Variants in ANO3 observed in about 807,000 individuals in gnomAD.
ANO3 encodes anoctamin 3, also known as anoctamin-3.
A neutral mutation model predicts 144.8 loss-of-function variants in ANO3; 99 were observed. The observed-to-expected ratio is 0.68, with a 90% CI of 0.58 to 0.81. The LOEUF (loss-of-function observed/expected upper bound fraction) is 0.81. Ranked by LOEUF, ANO3 falls within the 30% of genes least tolerant of loss-of-function variation. The probability of loss-of-function intolerance (pLI) is 0.00; values close to 1 mark genes in which losing one functional copy is unlikely to be tolerated. For synonymous variants in ANO3, 414 were observed against 392.6 expected (o/e 1.05, Z -0.64); for missense variants, 905 against 1,202.2 (o/e 0.75, Z 3.66).
In ANO3 at chr11:26,553,242, TCTC is replaced by T; in HGVS notation, c.1290-6_1290-4del. On this transcript the variant is annotated splice_polypyrimidine_tract_variant and splice_region_variant and intron_variant, in intron 12 of 26. Transcript: ENST00000256737. The stretch of plus-strand genomic sequence containing the variant: ...TTGTTTTGTTTTTGTTTTTGTTTTT[TCTC>T]AAGCCAAGAAATTTGTAAAGCCACT... The T allele has an allele frequency of 5.6e-6, 8 of 1,429,426 alleles. No homozygotes were observed. Among genetic ancestry groups the T allele is most frequent in the Non-Finnish European group, 6.8e-6 (7 of 1,024,138 alleles). 88.5% of individuals were successfully genotyped at this position (1,429,426 alleles called of 1,614,324 possible). A position where few individuals can be genotyped will look rare whatever the true frequency, so the allele number is the denominator to read the frequency against.
intron 9 of ANO3, among the ~76,000 whole-genome samples, chr11:26,536,677 T>C (rs1849517792): frequency 6.6e-6 from 1 of 152,158 alleles, no homozygotes; most frequent in African/African-American, 2.4e-5. Context: ...GAAAACATTA[T>C]TATAAATAGC....
intron 24 of ANO3, among the ~76,000 whole-genome samples, chr11:26,655,660 G>C (rs1393804838): frequency 6.6e-6 from 1 of 151,968 alleles, no homozygotes; most frequent in Non-Finnish European, 1.5e-5. Context: ...TGCCTGTTTT[G>C]TTCACTGTTA....
At chr11:26,625,115 C>T (rs1045520615) in intron 18 of ANO3, among the ~76,000 whole-genome samples, 6 of 152,096 alleles carry the variant, frequency 3.9e-5, no homozygotes, top group Non-Finnish European at 5.9e-5. Context: ...TTAGTAGAGA[C>T]GGGGTTTCAC....
chr11:26,296,253 A>G (rs1019195154), intron 1 of ANO3, among the ~76,000 whole-genome samples: 10 of 152,192 alleles, frequency 6.6e-5, no homozygotes, highest in African/African-American at 2.4e-4. Context: ...TTAAAACCCT[A>G]CTGCCTTAGG....
intron 6 of ANO3, 137 bp downstream of exon 6, chr11:26,517,064 G>A (rs1479545671): frequency 2.7e-5 from 12 of 450,290 alleles, no homozygotes; most frequent in Middle Eastern, 6.1e-4. Context: ...ATTCTGGACA[G>A]TTTTTTTTTC....
chr11:26,632,567 T>TA (rs1369451469), intron 18 of ANO3, among the ~76,000 whole-genome samples: 2 of 145,944 alleles, frequency 1.4e-5, no homozygotes, highest in Non-Finnish European at 3.0e-5. Context: ...TATAAATATA[T>TA]AAAAAATATA....
At chr11:26,321,128 T>C (rs954558447) in intron 1 of ANO3, among the ~76,000 whole-genome samples, 1 of 152,114 alleles carries the variant, frequency 6.6e-6, no homozygotes, top group Admixed American at 6.6e-5. Context: ...ATTTTCTTTG[T>C]TCTCATAATC....
chr11:26,290,149 G>A (rs1346706420), intron 1 of ANO3, among the ~76,000 whole-genome samples: 2 of 152,108 alleles, frequency 1.3e-5, no homozygotes, highest in Admixed American at 6.6e-5. Flanking sequence ...GAGGGCGTAT[G>A]TGTCCAGGAA....
At position 26,534,400 on chromosome 11, in the gene ANO3, A is replaced by G. The variant is rs554263217; in HGVS notation, c.870-56A>G. On this transcript the variant is annotated intron_variant, in intron 8 of 26. Transcript: ENST00000256737. Reference sequence around the variant, plus strand: ...ATTAGCTTTAATGGAACTTGTAACTATTGCTGGATTCTGTGTTCTGCTTTG... The same window carrying G: ...ATTAGCTTTAATGGAACTTGTAACTGTTGCTGGATTCTGTGTTCTGCTTTG... The G allele has an allele frequency of 1.6e-4, 182 of 1,159,772 alleles. 1 individual carries two copies. The South Asian group carries it at 2.4e-3, about 15-fold the overall frequency. 71.8% of individuals were successfully genotyped at this position (1,159,772 alleles called of 1,614,324 possible).
chr11:26,465,454 GA>G (rs1353398762), intron 4 of ANO3, among the ~76,000 whole-genome samples: 1 of 151,720 alleles, frequency 6.6e-6, no homozygotes, highest in African/African-American at 2.4e-5. Flanking sequence ...TTTGCAAAGA[GA>G]TCATTTTAGT....
chr11:26,447,300 A>G (rs1322754474), intron 3 of ANO3, among the ~76,000 whole-genome samples: 3 of 150,296 alleles, frequency 2.0e-5, no homozygotes, highest in African/African-American at 7.3e-5. Flanking sequence ...ACTCCTTATT[A>G]TTATACACTT....
At chr11:26,596,291 G>A (rs763980281) in intron 14 of ANO3, among the ~76,000 whole-genome samples, 22 of 151,888 alleles carry the variant, frequency 1.4e-4, no homozygotes, top group African/African-American at 5.1e-4. Flanking sequence ...CTCTGCCTCT[G>A]TAGAAGGATT....
At chr11:26,517,186 TACA>T (rs1039757545) in intron 6 of ANO3, among the ~76,000 whole-genome samples, 1 of 151,984 alleles carries the variant, frequency 6.6e-6, no homozygotes, top group African/African-American at 2.4e-5. Flanking sequence ...AATTTTAACT[TACA>T]ACAATTCCCA....
At chr11:26,502,952 A>C (rs971231013) in intron 4 of ANO3, among the ~76,000 whole-genome samples, 1 of 152,094 alleles carries the variant, frequency 6.6e-6, no homozygotes, top group African/African-American at 2.4e-5. Flanking sequence ...CAAATGGGCA[A>C]ATCTCTACCA....
chr11:26,545,013 C>G (rs1849751004), intron 11 of ANO3, among the ~76,000 whole-genome samples: 3 of 151,806 alleles, frequency 2.0e-5, no homozygotes, highest in Admixed American at 2.0e-4. Context: ...CTTGTATTAC[C>G]AAAATTTAGA....
chr11:26,622,572 C>T (rs920879859), intron 17 of ANO3, among the ~76,000 whole-genome samples: 1 of 152,146 alleles, frequency 6.6e-6, no homozygotes, highest in Non-Finnish European at 1.5e-5. Context: ...TGCCATTGCA[C>T]TCCAGCCTGG....
chr11:26,293,965 T>C (rs1854026782), intron 1 of ANO3, among the ~76,000 whole-genome samples: 1 of 152,140 alleles, frequency 6.6e-6, no homozygotes, highest in Non-Finnish European at 1.5e-5. Flanking sequence ...TGTCGCTTTT[T>C]TGCATTGCCA....
chr11:26,354,653 G>A (rs916366451), intron 1 of ANO3, among the ~76,000 whole-genome samples: 13 of 151,704 alleles, frequency 8.6e-5, no homozygotes, highest in Admixed American at 3.9e-4. Flanking sequence ...TACTTATGTT[G>A]CAATTTATTT....
intron 14 of ANO3, among the ~76,000 whole-genome samples, chr11:26,595,457 G>GTTTTTTTTTT (rs1411703035): frequency 8.8e-4 from 60 of 67,838 alleles, no homozygotes; most frequent in East Asian, 1.7e-3. Flanking sequence ...TTGAGATAGA[G>GTTTTTTTTTT]TTGTTTTTTT....
Sources: allele counts gnomAD v4.1 joint callset (sites outside exome capture counted in the v4.1 genomes callset), GRCh38; gene constraint gnomAD v4.1.1; transcripts MANE v1.5; gene names NCBI Gene and HGNC (gene_info 2026-07-23, HGNC 2026-07-21).